Variants in BIN2 observed in about 807,000 individuals in gnomAD.
BIN2 encodes bridging integrator 2.
In BIN2, 43 loss-of-function variants were observed where a neutral mutation model predicts 67.9. The observed-to-expected ratio is 0.63, with a 90% confidence interval of 0.50 to 0.82. The LOEUF is 0.82. Ranked by LOEUF, BIN2 falls within the 40% of genes least tolerant of loss-of-function variation. The pLI is 0.00. For missense variants in BIN2, 581 were observed against 671.6 expected (o/e 0.87, Z 1.49); for synonymous variants, 244 against 246.8 (o/e 0.99, Z 0.11).
rs1475017819 is a variant in BIN2 at position 51,291,597 on chromosome 12, T to C, written c.1509A>G (p.Thr503=). 1.3e-6 allele frequency: 2 copies of C among 1,595,842 alleles called. No homozygotes were observed. The highest frequency in any genetic ancestry group is 1.4e-5 in the African/African-American group (1 of 73,538). Residue 503 remains threonine, a synonymous_variant, in exon 10 of 13, where the codon ACA becomes ACG. Coordinates refer to ENST00000615107, the MANE Select transcript of BIN2 (RefSeq NM_016293.4). ...EELCTSPTLM[T]SQVASEPGEA... is the part of the protein sequence containing the mutation. ...CAACCAGAACTACTCTTACCTGAGA[T>C]GTCATTAAGGTGGGGGAAGTACAAA...
intron 11 of BIN2, among the ~76,000 whole-genome samples, chr12:51,287,262 C>T (rs993821790): frequency 1.5e-4 from 23 of 152,206 alleles, no homozygotes; most frequent in African/African-American, 5.3e-4. Context: ...GTGATCCTCC[C>T]GCCTCAGCAT....
chr12:51,288,260 G>A, intron 10 of BIN2, 72 bp from the exon 11 acceptor site: 1 of 1,267,214 alleles, frequency 7.9e-7, no homozygotes, highest in Non-Finnish European at 1.2e-6. Flanking sequence ...TGTGCCCTTG[G>A]TCCATATTAG....
intron 2 of BIN2, among the ~76,000 whole-genome samples, chr12:51,304,755 G>A (rs1379401102): frequency 6.6e-6 from 1 of 152,294 alleles, no homozygotes; most frequent in African/African-American, 2.4e-5. Flanking sequence ...AGTGGCTCAC[G>A]CCTGTAATCC....
chr12:51,295,943 TC>T, intron 8 of BIN2, 65 bp from the exon 9 acceptor site: 1 of 1,291,938 alleles, frequency 7.7e-7, no homozygotes, highest in East Asian at 2.3e-5. Flanking sequence ...ATATCCCTTC[TC>T]CCCTCCCCTT....
At chr12:51,291,142 C>A (rs1468015555) in intron 10 of BIN2, among the ~76,000 whole-genome samples, 1 of 151,908 alleles carries the variant, frequency 6.6e-6, no homozygotes, top group Non-Finnish European at 1.5e-5. Context: ...GAGCGAGACT[C>A]CATCTCAAAA....
intron 6 of BIN2, 56 bp downstream of exon 6, chr12:51,299,551 T>C (rs986013549): frequency 2.3e-5 from 35 of 1,511,808 alleles, no homozygotes; most frequent in African/African-American, 1.6e-4. Context: ...GCTACCACCA[T>C]GGGGAGAAGG....
At chr12:51,295,289 C>A (rs1158095091) in intron 9 of BIN2, among the ~76,000 whole-genome samples, 1 of 150,870 alleles carries the variant, frequency 6.6e-6, no homozygotes, top group Non-Finnish European at 1.5e-5. Flanking sequence ...TGGCTCACGC[C>A]TGTAATCCCA....
chr12:51,307,036 G>A (rs1007226623), intron 2 of BIN2, among the ~76,000 whole-genome samples: 1 of 152,102 alleles, frequency 6.6e-6, no homozygotes, highest in Non-Finnish European at 1.5e-5. Context: ...TGTAATCCTA[G>A]CACTTTGGGA....
chr12:51,307,057 G>A (rs926745971), intron 2 of BIN2, among the ~76,000 whole-genome samples: 2 of 152,076 alleles, frequency 1.3e-5, no homozygotes, highest in African/African-American at 4.8e-5. Context: ...GGCCGAGGCG[G>A]GCAGATTGTG....
Position 51,309,554 on chromosome 12 carries a change from A to AT in BIN2, c.162+4268dup, listed in dbSNP as rs67874215. ...TCTCTCAGTCAAGAAGTTTTTCCTT[A>AT]TTTTTTTTTTTAATAGAGACAAGGT... On this transcript the variant is annotated intron_variant, in intron 2 of 12. Coordinates refer to ENST00000615107, the MANE Select transcript of BIN2 (RefSeq NM_016293.4). 7.1e-4 allele frequency among the ~76,000 whole-genome samples: 105 copies of AT among 148,186 alleles called. 1 individual carries two copies. The highest frequency in any genetic ancestry group is 2.0e-3 in the African/African-American group (80 of 40,396).
In BIN2 at chr12:51,299,090, G is replaced by C. The variant is rs1485858286; in HGVS notation, c.602+113C>G. On this transcript the variant is annotated intron_variant, in intron 7 of 12. Coordinates refer to ENST00000615107, the MANE Select transcript of BIN2 (RefSeq NM_016293.4). ...ACCCTGTCTCGAAAAAAAAAAAAAG[G>C]GGGCGGGGCAGTGTGGGAATTTAAA... The C allele has an allele frequency of 1.8e-4, 112 of 619,618 alleles. 2 individuals are homozygous for C. Among genetic ancestry groups the C allele is most frequent in the Admixed American group, 1.1e-3 (34 of 31,318 alleles). The allele number at this position is 619,618 out of a possible 1,614,324, so 38.4% of individuals were successfully genotyped here.
chr12:51,297,064 C>T (rs200001519), intron 8 of BIN2, 25 bp downstream of exon 8: 34 of 1,589,214 alleles, frequency 2.1e-5, no homozygotes, highest in African/African-American at 2.7e-5. Flanking sequence ...CACCTAGGAG[C>T]CTCAATTGGC....
chr12:51,297,688 T>C (rs1945606427), intron 7 of BIN2, among the ~76,000 whole-genome samples: 1 of 152,152 alleles, frequency 6.6e-6, no homozygotes. Context: ...GGGGAGACAA[T>C]ATCAGCTCAG....
At chr12:51,288,297 G>T in intron 10 of BIN2, 109 bp from the exon 11 acceptor site, 2 of 833,402 alleles carry the variant, frequency 2.4e-6, no homozygotes, top group Non-Finnish European at 4.0e-6. Flanking sequence ...GGAGGCTCCC[G>T]AGGTAGCCTT....
rs1005055622 is a variant in BIN2 at position 51,302,907 on chromosome 12, G to A, written c.218-127C>T. The A allele has an allele frequency of 4.4e-6, 5 of 1,129,842 alleles. No homozygotes were observed. In the African/African-American group the frequency reaches 7.7e-5, roughly 17 times the overall value. 70.0% of individuals were successfully genotyped at this position (1,129,842 alleles called of 1,614,324 possible). On this transcript the variant is annotated intron_variant, in intron 3 of 12. Transcript: ENST00000615107. ...CAGAAGGTTTAGGTTATATAAGTGA[G>A]GAAAGCTGGATGGGGCTGAAAGGAA...
At chr12:51,317,542 G>T (rs998073878) in intron 1 of BIN2, among the ~76,000 whole-genome samples, 3 of 152,114 alleles carry the variant, frequency 2.0e-5, no homozygotes, top group Non-Finnish European at 4.4e-5. Flanking sequence ...GGTGGTGCAC[G>T]CCTGCAATCC....
rs762334085 is a variant in BIN2 at position 51,291,895 on chromosome 12, C to G, written c.1211G>C (p.Arg404Thr). The change falls in exon 10 of 13, where the codon AGA becomes ACA. Residue 404 changes from arginine to threonine, a missense_variant. Coordinates refer to ENST00000615107, the MANE Select transcript of BIN2 (RefSeq NM_016293.4). ...ASEGSEQPKK[R>T]ASIQRTSAPP... ...TGCTGAGGTCCTCTGGATAGAGGCT[C>G]TCTTCTTTGGTTGTTCAGATCCTTC... is the stretch of plus-strand genomic sequence containing the variant. 1.1e-5 allele frequency: 17 copies of G among 1,614,064 alleles called. No homozygotes were observed. The highest frequency in any genetic ancestry group is 1.4e-5 in the Non-Finnish European group (16 of 1,180,038).
In BIN2 at chr12:51,292,242, A is replaced by T. The variant is rs1945406092; in HGVS notation, c.864T>A (p.Ser288Arg). ...CAGTTGCTGAGACAGATTCACTCTC[A>T]CTCTTCAAGGAAAGTGTAGAGGGAC... Reference protein sequence around the residue: ...PTSPSTLSLKSESESVSATED... With the variant: ...PTSPSTLSLKRESESVSATED... The change falls in exon 10 of 13, where the codon AGT becomes AGA. Residue 288 changes from serine to arginine, a missense_variant. Transcript: ENST00000615107. 1.2e-6 allele frequency: 2 copies of T among 1,605,966 alleles called. No homozygotes were observed. The highest frequency in any genetic ancestry group is 3.3e-5 in the Admixed American group (2 of 59,964).
intron 11 of BIN2, 77 bp from the exon 12 acceptor site, chr12:51,284,864 C>A: frequency 9.5e-7 from 1 of 1,054,892 alleles, no homozygotes; most frequent in Non-Finnish European, 1.5e-6. Context: ...TCTTCTGTGC[C>A]TTATACTTTA....
Sources: allele counts gnomAD v4.1 joint callset (sites outside exome capture counted in the v4.1 genomes callset), GRCh38; gene constraint gnomAD v4.1.1; transcripts MANE v1.5; gene names NCBI Gene and HGNC (gene_info 2026-07-23, HGNC 2026-07-21).